CSMD3: variants seen among roughly 807,000 people sequenced by gnomAD.
The protein encoded by CSMD3 is CUB and sushi domain-containing protein 3.
In CSMD3, 177 loss-of-function variants were observed where a neutral mutation model predicts 435.2. That is an observed-to-expected ratio of 0.41 (90% CI 0.36 to 0.46). The LOEUF is 0.46. Among genes scored for constraint, CSMD3 ranks in the 20% least tolerant of loss-of-function variants. The pLI, the probability that CSMD3 is intolerant of heterozygous loss-of-function variation, is 0.34. For missense variants in CSMD3, 4,265 were observed against 4,504.6 expected, an observed-to-expected ratio of 0.95 and a Z score of 1.52; for synonymous variants, 1,656 against 1,520.5, an observed-to-expected ratio of 1.09 and a Z score of -2.07.
At chr8:112,598,407 T>G (rs1275339970) in intron 22 of CSMD3, among the ~76,000 whole-genome samples, 1 of 150,302 alleles carries the variant, frequency 6.7e-6, no homozygotes, top group Non-Finnish European at 1.5e-5. Context: ...TGCTCATGGA[T>G]AGGAAGAATC....
At chr8:112,281,403 T>G in intron 58 of CSMD3, 53 bp from the exon 59 acceptor site, 2 of 1,475,352 alleles carry the variant, frequency 1.4e-6, no homozygotes. Context: ...CAGAAATTCT[T>G]CCCAAAAAAG....
intron 12 of CSMD3, among the ~76,000 whole-genome samples, chr8:112,804,279 C>T (rs1018529144): frequency 1.4e-4 from 22 of 151,832 alleles, no homozygotes; most frequent in Admixed American, 3.3e-4. Context: ...ATGTTAGCAG[C>T]AGTTACTTAG....
At chr8:113,288,613 T>A (rs1258351695) in intron 2 of CSMD3, among the ~76,000 whole-genome samples, 1 of 151,808 alleles carries the variant, frequency 6.6e-6, no homozygotes, top group African/African-American at 2.4e-5. Context: ...TACAGGAAAA[T>A]TATGTAGAGC....
intron 5 of CSMD3, among the ~76,000 whole-genome samples, chr8:113,090,828 T>C (rs2089978344): frequency 6.6e-6 from 1 of 152,130 alleles, no homozygotes; most frequent in African/African-American, 2.4e-5. Flanking sequence ...CAGCAATCCT[T>C]TGATTCCCAC....
At chr8:112,879,940 G>A (rs1367042025) in intron 10 of CSMD3, among the ~76,000 whole-genome samples, 1 of 152,006 alleles carries the variant, frequency 6.6e-6, no homozygotes, top group Non-Finnish European at 1.5e-5. Context: ...GGTTAGGGGA[G>A]GCATAACATT....
At chr8:112,803,760 T>C (rs1230849452) in intron 12 of CSMD3, among the ~76,000 whole-genome samples, 1 of 152,206 alleles carries the variant, frequency 6.6e-6, no homozygotes, top group Non-Finnish European at 1.5e-5. Flanking sequence ...ACAGACCTCC[T>C]TGCCAGCTGA....
At chr8:112,829,934 T>A in intron 11 of CSMD3, 145 bp from the exon 12 acceptor site, 1 of 596,722 alleles carries the variant, frequency 1.7e-6, no homozygotes. Flanking sequence ...CACAAGCAGT[T>A]CAATTATGTA....
chr8:113,269,509 C>A (rs1315757679), intron 3 of CSMD3, among the ~76,000 whole-genome samples: 1 of 152,108 alleles, frequency 6.6e-6, no homozygotes, highest in East Asian at 1.9e-4. Flanking sequence ...CAAGTCGATC[C>A]TAAGCCAAAA....
intron 70 of CSMD3, among the ~76,000 whole-genome samples, chr8:112,227,962 A>G (rs1375734201): frequency 6.6e-6 from 1 of 152,106 alleles, no homozygotes; most frequent in Non-Finnish European, 1.5e-5. Context: ...GAGTGGCGTG[A>G]ACCTGGGAGG....
chr8:113,338,659 A>G (rs1563719175), intron 1 of CSMD3, among the ~76,000 whole-genome samples: 1 of 151,990 alleles, frequency 6.6e-6, no homozygotes, highest in Non-Finnish European at 1.5e-5. Flanking sequence ...ATTCATATGA[A>G]ATGTCCAGAA....
intron 4 of CSMD3, among the ~76,000 whole-genome samples, chr8:113,101,861 A>T (rs1001779263): frequency 6.6e-6 from 1 of 152,086 alleles, no homozygotes; most frequent in African/African-American, 2.4e-5. Flanking sequence ...TAAATGTTAG[A>T]TTAAAAAAAA....
intron 35 of CSMD3, among the ~76,000 whole-genome samples, chr8:112,393,104 G>T (rs1310537168): frequency 1.3e-5 from 2 of 151,868 alleles, no homozygotes; most frequent in East Asian, 3.9e-4. Flanking sequence ...GCTCAGGCTG[G>T]TCTTGAATCA....
At chr8:112,371,176 A>G (rs1296823098) in intron 38 of CSMD3, among the ~76,000 whole-genome samples, 2 of 152,186 alleles carry the variant, frequency 1.3e-5, no homozygotes, top group African/African-American at 4.8e-5. Flanking sequence ...GATATGGGGC[A>G]CACGCTGCTG....
chr8:113,285,612 G>A (rs908593577), intron 2 of CSMD3, among the ~76,000 whole-genome samples: 24 of 152,048 alleles, frequency 1.6e-4, no homozygotes, highest in African/African-American at 5.1e-4. Context: ...GATATTTCCC[G>A]ACTGGGAAAA....
chr8:112,630,042 G>C (rs2074471234), intron 22 of CSMD3, among the ~76,000 whole-genome samples: 1 of 152,124 alleles, frequency 6.6e-6, no homozygotes, highest in Non-Finnish European at 1.5e-5. Flanking sequence ...GAAACTGATT[G>C]CTTCCAATAT....
At chr8:113,167,171 T>C (rs2092167548) in intron 4 of CSMD3, among the ~76,000 whole-genome samples, 2 of 152,136 alleles carry the variant, frequency 1.3e-5, no homozygotes, top group African/African-American at 2.4e-5. Context: ...CAGGCACATG[T>C]TTAACTGTCA....
At chr8:113,425,575 T>C (rs2094631619) in intron 1 of CSMD3, among the ~76,000 whole-genome samples, 1 of 151,384 alleles carries the variant, frequency 6.6e-6, no homozygotes, top group Non-Finnish European at 1.5e-5. Flanking sequence ...TATCTACTTG[T>C]TAATATATTA....
chr8:112,542,337 T>A (rs958581446), intron 27 of CSMD3, among the ~76,000 whole-genome samples: 6 of 119,916 alleles, frequency 5.0e-5, no homozygotes, highest in Admixed American at 2.6e-4. Flanking sequence ...ACAAAAGGCC[T>A]CCAAAATGAA....
chr8:112,378,426 T>C lies in CSMD3; in HGVS notation c.6136+1926A>G, dbSNP rs116931113. On this transcript the variant is annotated intron_variant, in intron 38 of 70. Coordinates refer to ENST00000297405, the MANE Select transcript of CSMD3 (RefSeq NM_198123.2). Reference sequence around the variant, plus strand: ...AAGACACGGAATCAACCTGTGTCCATCAATGGATGAATGGATAAGGAAAAT... The same window carrying C: ...AAGACACGGAATCAACCTGTGTCCACCAATGGATGAATGGATAAGGAAAAT... Among the ~76,000 whole-genome samples the C allele has an allele frequency of 4.3e-3, 656 of 152,252 alleles. 8 individuals are homozygous for C. The highest frequency in any genetic ancestry group is 3.9e-3 in the South Asian group (19 of 4,820).
Sources: gnomAD v4.1 joint callset for allele counts (sites outside exome capture counted in the v4.1 genomes callset) on GRCh38, gnomAD v4.1.1 for gene constraint, MANE v1.5 for transcripts, NCBI Gene and HGNC (gene_info 2026-07-23, HGNC 2026-07-21) for gene names.